PCDH11X: variants seen among roughly 807,000 people sequenced by gnomAD.
The protein encoded by PCDH11X is protocadherin-11 X-linked.
In PCDH11X, 18 loss-of-function variants were observed where a neutral mutation model predicts 53.3. That is an observed-to-expected ratio of 0.34 (90% CI 0.23 to 0.50). The LOEUF is 0.50. Among genes scored for constraint, PCDH11X ranks in the 20% least tolerant of loss-of-function variants. The pLI is 0.98. For synonymous variants in PCDH11X, 279 were observed against 393.3 expected, an observed-to-expected ratio of 0.71 and a Z score of 3.44; for missense variants, 570 against 1,032.4, an observed-to-expected ratio of 0.55 and a Z score of 6.14.
At chrX:92,499,882 AAGAG>A (rs2073932122) in intron 10 of PCDH11X, among the ~76,000 whole-genome samples, 1 of 107,641 alleles carries the variant, frequency 9.3e-6, no homozygotes, top group African/African-American at 3.4e-5. Context: ...GAAAGAAAGA[AAGAG>A]AGAGACCTTT....
At chrX:92,261,735 G>T (rs1180241361) in intron 7 of PCDH11X, among the ~76,000 whole-genome samples, 1 of 111,831 alleles carries the variant, frequency 8.9e-6, no homozygotes, top group South Asian at 3.6e-4. Context: ...TAGTCCTTGA[G>T]ATTATTTCTT....
intron 6 of PCDH11X, among the ~76,000 whole-genome samples, chrX:92,146,517 G>A (rs2065269589): frequency 9.0e-6 from 1 of 111,490 alleles, no homozygotes; most frequent in African/African-American, 3.3e-5. Context: ...TAAGCATTTG[G>A]GGGTTGACTT....
chrX:91,930,455 G>A (rs1298274265), intron 6 of PCDH11X, among the ~76,000 whole-genome samples: 4 of 102,842 alleles, frequency 3.9e-5, no homozygotes, highest in Admixed American at 1.1e-4. Context: ...AAGATTTTTG[G>A]CAGAAAAGAG....
At chrX:91,953,125 A>G (rs948363263) in intron 6 of PCDH11X, among the ~76,000 whole-genome samples, 5 of 109,813 alleles carry the variant, frequency 4.6e-5, no homozygotes, top group African/African-American at 1.7e-4. Flanking sequence ...ATAAAACCTG[A>G]TATCTGATAA....
chrX:92,060,780 T>C (rs1273739320), intron 6 of PCDH11X, among the ~76,000 whole-genome samples: 11 of 111,649 alleles, frequency 9.9e-5, no homozygotes, highest in Non-Finnish European at 1.7e-4. Flanking sequence ...AATGGTGCTA[T>C]GATGAACATA....
intron 1 of PCDH11X, among the ~76,000 whole-genome samples, chrX:91,808,453 C>A (rs1936192411): frequency 9.2e-6 from 1 of 108,664 alleles, no homozygotes; most frequent in South Asian, 4.1e-4. Flanking sequence ...CGAGATCATG[C>A]CACTGCACTC....
chrX:91,853,409 C>A (rs1938145532), intron 5 of PCDH11X, among the ~76,000 whole-genome samples: 1 of 107,884 alleles, frequency 9.3e-6, no homozygotes, highest in African/African-American at 3.4e-5. Context: ...GTTTTGCCAA[C>A]CTAATTTCAA....
chrX:92,207,945 C>G (rs1461578794), intron 7 of PCDH11X, among the ~76,000 whole-genome samples: 1 of 110,762 alleles, frequency 9.0e-6, no homozygotes, highest in African/African-American at 3.3e-5. Context: ...CCCTATAATC[C>G]TAGCACTTTG....
chrX:92,111,219 T>TCAAA (rs2064499017), intron 6 of PCDH11X, among the ~76,000 whole-genome samples: 1 of 19,807 alleles, frequency 5.0e-5, no homozygotes, highest in Non-Finnish European at 8.9e-5. Context: ...CACCTAACGC[T>TCAAA]AAAAAAAAAA....
chrX:92,240,931 T>C (rs1464161311), intron 7 of PCDH11X, among the ~76,000 whole-genome samples: 1 of 111,044 alleles, frequency 9.0e-6, no homozygotes, highest in African/African-American at 3.3e-5. Context: ...AATCACAGTT[T>C]AATGCTGGCC....
At position 91,853,160 on chromosome X, in the gene PCDH11X, A is replaced by G. The variant is rs755150584; in HGVS notation, c.540+17116A>G. Among the ~76,000 whole-genome samples the G allele has an allele frequency of 3.9e-4, 43 of 110,534 alleles. 1 individual carries two copies. The East Asian group carries it at 0.011, about 28-fold the overall frequency. On this transcript the variant is annotated intron_variant, in intron 5 of 10. Coordinates refer to ENST00000682573, the MANE Select transcript of PCDH11X (RefSeq NM_032968.5). ...TGTTATAATTTATCGTAAATGTAGA[A>G]GTTACTTTCTTATCTGTGTGACTGA...
At chrX:91,928,177 C>T (rs1239420756) in intron 6 of PCDH11X, among the ~76,000 whole-genome samples, 1 of 107,479 alleles carries the variant, frequency 9.3e-6, no homozygotes, top group East Asian at 3.0e-4. Flanking sequence ...CACTTAGTAA[C>T]ACTTCTCTCA....
intron 8 of PCDH11X, among the ~76,000 whole-genome samples, chrX:92,332,039 C>T (rs886239966): frequency 4.5e-5 from 5 of 111,220 alleles, no homozygotes; most frequent in Admixed American, 9.6e-5. Flanking sequence ...TAATACATGC[C>T]ATAACGAGGG....
intron 6 of PCDH11X, among the ~76,000 whole-genome samples, chrX:91,941,050 CT>C (rs1406132034): frequency 5.4e-5 from 6 of 110,647 alleles, no homozygotes; most frequent in African/African-American, 2.0e-4. Context: ...TTTAAAATAA[CT>C]TAAGGAGTAT....
chrX:91,819,559 G>T (rs1218570083), intron 4 of PCDH11X, among the ~76,000 whole-genome samples: 7 of 108,925 alleles, frequency 6.4e-5, no homozygotes, highest in Admixed American at 9.8e-5. Flanking sequence ...GCTGGTTGTT[G>T]TAGTCATATA....
intron 6 of PCDH11X, among the ~76,000 whole-genome samples, chrX:92,180,101 C>T (rs1200280121): frequency 8.9e-6 from 1 of 112,035 alleles, no homozygotes; most frequent in Non-Finnish European, 1.9e-5. Context: ...GGCTGAAAAG[C>T]CTCAGGAAAC....
At chrX:91,926,646 TTTTTTGCAAATATTATA>T (rs1269221813) in intron 6 of PCDH11X, among the ~76,000 whole-genome samples, 25 of 110,806 alleles carry the variant, frequency 2.3e-4, no homozygotes, top group African/African-American at 8.2e-4. Flanking sequence ...TGTAATAGAG[TTTTTTGCAAATATTATA>T]TTTTTTGATT....
chrX:91,923,904 CT>C (rs763761174), intron 6 of PCDH11X, among the ~76,000 whole-genome samples: 1 of 110,280 alleles, frequency 9.1e-6, no homozygotes, highest in Non-Finnish European at 1.9e-5. Flanking sequence ...TGGGGGGGAG[CT>C]GAAAAACTAC....
intron 7 of PCDH11X, among the ~76,000 whole-genome samples, chrX:92,206,124 A>G (rs1163974481): frequency 8.9e-6 from 1 of 111,791 alleles, no homozygotes; most frequent in Non-Finnish European, 1.9e-5. Context: ...TGAGGCTTCA[A>G]CTGCAATTTA....
Sources: allele counts gnomAD v4.1 joint callset (sites outside exome capture counted in the v4.1 genomes callset), GRCh38; gene constraint gnomAD v4.1.1; transcripts MANE v1.5; gene names NCBI Gene and HGNC (gene_info 2026-07-23, HGNC 2026-07-21).